The following OR9Q1 variants were observed in gnomAD, a reference collection of about 807,000 sequenced individuals.
The protein encoded by OR9Q1 is olfactory receptor family 9 subfamily Q member 1.
For synonymous variants in OR9Q1, 153 were observed against 148.6 expected, an observed-to-expected ratio of 1.03 and a Z score of -0.22; for missense variants, 374 against 378.8, an observed-to-expected ratio of 0.99 and a Z score of 0.11.
chr11:58,046,335 C>A lies in OR9Q1; in HGVS notation c.-92-9535C>A, dbSNP rs147901918. 4.0e-3 allele frequency among the ~76,000 whole-genome samples: 611 copies of A among 152,304 alleles called. 5 individuals are homozygous for A. Among genetic ancestry groups the A allele is most frequent in the African/African-American group, 0.013 (535 of 41,568 alleles). ...GTGTGATAGTCATGGGAATAAAAAA[C>A]CATATGCCTGACTAAGGTGAGACCA... On this transcript the variant is annotated intron_variant, in intron 1 of 2. Coordinates refer to ENST00000335397, the MANE Select transcript of OR9Q1 (RefSeq NM_001005212.4).
intron 2 of OR9Q1, among the ~76,000 whole-genome samples, chr11:58,088,832 A>T (rs543561794): frequency 6.6e-6 from 1 of 151,272 alleles, no homozygotes; most frequent in Admixed American, 6.6e-5. Flanking sequence ...GTTTAATTAA[A>T]TCCCATTTGT....
intron 2 of OR9Q1, among the ~76,000 whole-genome samples, chr11:58,140,400 T>C (rs1000420893): frequency 6.6e-6 from 1 of 152,218 alleles, no homozygotes; most frequent in African/African-American, 2.4e-5. Context: ...GGTTTTCTTC[T>C]AGGGTTTTTA....
chr11:58,030,131 C>T (rs938830797), intron 1 of OR9Q1, among the ~76,000 whole-genome samples: 7 of 152,130 alleles, frequency 4.6e-5, no homozygotes, highest in Admixed American at 2.0e-4. Context: ...TATGAGCCAC[C>T]GGGCCCGGCC....
chr11:58,127,292 C>T (rs1357032645), intron 2 of OR9Q1, among the ~76,000 whole-genome samples: 1 of 152,076 alleles, frequency 6.6e-6, no homozygotes, highest in East Asian at 1.9e-4. Flanking sequence ...AGAGATGCAT[C>T]TTAGGTTAGC....
In OR9Q1 at chr11:58,107,002, G is replaced by A. The variant is rs991351149; in HGVS notation, c.-15+51055G>A. On this transcript the variant is annotated intron_variant, in intron 2 of 2. Transcript: ENST00000335397. ...CCATATACAATTTCTATTTCTCTAA[G>A]AAATGCCATTGGGATTTTGATGGGA... Among the ~76,000 whole-genome samples, 5 of 152,186 alleles carry A rather than the reference G, an allele frequency of 3.3e-5. No homozygotes were observed. The East Asian group carries it at 9.7e-4, about 29-fold the overall frequency.
intron 2 of OR9Q1, among the ~76,000 whole-genome samples, chr11:58,142,243 T>C (rs1348736253): frequency 6.6e-6 from 1 of 152,162 alleles, no homozygotes; most frequent in East Asian, 1.9e-4. Flanking sequence ...TGAACATATA[T>C]ATGCCAGGCT....
rs1335358013 is a variant in OR9Q1, at chr11:58,179,940, C to A, written c.496C>A (p.Leu166Ile). 2 of 1,614,196 alleles carry A rather than the reference C, an allele frequency of 1.2e-6. No homozygotes were observed. The highest frequency in any genetic ancestry group is 1.7e-6 in the Non-Finnish European group (2 of 1,180,030). Residue 166 changes from leucine (L) to isoleucine (I), a missense_variant, in exon 3 of 3, where the codon CTC becomes ATC. By Grantham distance (5) the Leu-to-Ile change is conservative. Coordinates refer to ENST00000335397, the MANE Select transcript of OR9Q1 (RefSeq NM_001005212.4). ...GGTGCGGACAGTCTCAGCCTTCACT[C>A]TCTCCTTCTGTGGAACCAGTGAGAT... ...ALVRTVSAFT[L>I]SFCGTSEIDF...
intron 2 of OR9Q1, among the ~76,000 whole-genome samples, chr11:58,081,793 C>CTTTTTTTTT (rs201892501): frequency 3.9e-5 from 5 of 128,140 alleles, no homozygotes; most frequent in Non-Finnish European, 4.9e-5. Context: ...ATGATAGTTT[C>CTTTTTTTTT]TTTTTTTTTT....
chr11:58,142,308 A>T (rs1215844862), intron 2 of OR9Q1, among the ~76,000 whole-genome samples: 1 of 152,110 alleles, frequency 6.6e-6, no homozygotes, highest in African/African-American at 2.4e-5. Flanking sequence ...GCAACTAGAA[A>T]AGTGCCTGCT....
intron 2 of OR9Q1, chr11:58,116,890 C>T (rs955095032): frequency 1.4e-4 from 21 of 152,186 alleles, no homozygotes; most frequent in African/African-American, 4.3e-4. Flanking sequence ...CATAAAATAA[C>T]ATATTCACTT....
At chr11:58,074,421 G>T (rs1199041994) in intron 2 of OR9Q1, among the ~76,000 whole-genome samples, 1 of 152,002 alleles carries the variant, frequency 6.6e-6, no homozygotes, top group East Asian at 1.9e-4. Context: ...TGAGAAGTGT[G>T]TTCATATCCT....
At chr11:58,164,397 A>G (rs764170684) in intron 2 of OR9Q1, among the ~76,000 whole-genome samples, 8 of 152,104 alleles carry the variant, frequency 5.3e-5, no homozygotes, top group Non-Finnish European at 1.0e-4. Context: ...GGAATGAAGA[A>G]CCACGTGTCT....
Position 58,181,531 on chromosome 11 carries a change from A to G in OR9Q1, c.*1154A>G, listed in dbSNP as rs1854665947. The stretch of plus-strand genomic sequence containing the variant: ...CATTTAAACAAATTTTTATACCTGG[A>G]ACTCAAACTTCTTTTCCTGTCTCCT... On this transcript the variant is annotated 3_prime_UTR_variant, in exon 3 of 3. Transcript: ENST00000335397. 1 of 164,798 alleles carries G rather than the reference A, an allele frequency of 6.1e-6. No homozygotes were observed. The highest frequency in any genetic ancestry group is 2.1e-4 in the South Asian group (1 of 4,758). The allele number at this position is 164,798 out of a possible 1,614,324, so 10.2% of individuals were successfully genotyped here. A position where few individuals can be genotyped will look rare whatever the true frequency, so the allele number is the denominator to read the frequency against.
At chr11:58,034,077 T>TTC (rs1406380544) in intron 1 of OR9Q1, among the ~76,000 whole-genome samples, 1 of 79,070 alleles carries the variant, frequency 1.3e-5, no homozygotes, top group African/African-American at 4.3e-5. Context: ...GCACTTGCTT[T>TTC]TTTTTTTTTT....
At chr11:58,164,740 A>C (rs1854485866) in intron 2 of OR9Q1, among the ~76,000 whole-genome samples, 1 of 152,142 alleles carries the variant, frequency 6.6e-6, no homozygotes, top group African/African-American at 2.4e-5. Context: ...ATGAGCAAAA[A>C]ATTCTTGCAT....
Position 58,031,179 on chromosome 11 carries a change from C to G in OR9Q1, c.-93+7075C>G, listed in dbSNP as rs758879592. ...TTGTCCTGCCTTGAAATCTGGTACACTTCTGTTACAGTGCCCAAGATGCTG... is the reference window on the plus strand; with the variant it reads ...TTGTCCTGCCTTGAAATCTGGTACAGTTCTGTTACAGTGCCCAAGATGCTG... On this transcript the variant is annotated intron_variant, in intron 1 of 2. Coordinates refer to ENST00000335397, the MANE Select transcript of OR9Q1 (RefSeq NM_001005212.4). 6.2e-7 allele frequency: 1 copy of G among 1,614,150 alleles called. No homozygotes were observed. The highest frequency in any genetic ancestry group is 1.7e-5 in the Admixed American group (1 of 60,020).
At chr11:58,031,604 A>G in intron 1 of OR9Q1, 1 of 1,613,748 alleles carries the variant, frequency 6.2e-7, no homozygotes, top group Non-Finnish European at 8.5e-7. Context: ...CTCTATGGTC[A>G]TTGCTGTGTC....
intron 2 of OR9Q1, among the ~76,000 whole-genome samples, chr11:58,140,390 G>C (rs1294291273): frequency 6.6e-6 from 1 of 152,074 alleles, no homozygotes; most frequent in Non-Finnish European, 1.5e-5. Flanking sequence ...GTATTGCCTA[G>C]GTTTTCTTCT....
intron 1 of OR9Q1, among the ~76,000 whole-genome samples, chr11:58,042,781 T>C (rs1464086638): frequency 6.6e-6 from 1 of 152,264 alleles, no homozygotes; most frequent in Non-Finnish European, 1.5e-5. Flanking sequence ...CCCATTAGCA[T>C]GGAATGTTCT....
Sources: gnomAD v4.1 joint callset for allele counts (sites outside exome capture counted in the v4.1 genomes callset) on GRCh38, gnomAD v4.1.1 for gene constraint, MANE v1.5 for transcripts, NCBI Gene and HGNC (gene_info 2026-07-23, HGNC 2026-07-21) for gene names.